Variants in PLA2R1 observed in about 807,000 individuals in gnomAD.
PLA2R1 encodes phospholipase A2 receptor 1.
PLA2R1 carries 158 observed loss-of-function variants against 195.9 expected under a neutral mutation model. The ratio of observed to expected loss-of-function variants is 0.81; its 90% confidence interval spans 0.71 to 0.92. The LOEUF is 0.92. Among genes scored for constraint, PLA2R1 ranks in the 40% least tolerant of loss-of-function variants. The pLI, the probability that PLA2R1 is intolerant of heterozygous loss-of-function variation, is 0.00. For synonymous variants in PLA2R1, 586 were observed against 598.2 expected, an observed-to-expected ratio of 0.98 and a Z score of 0.30; for missense variants, 1,626 against 1,764.6, an observed-to-expected ratio of 0.92 and a Z score of 1.41.
intron 11 of PLA2R1, among the ~76,000 whole-genome samples, chr2:159,988,328 G>A (rs549190179): frequency 2.7e-5 from 4 of 150,218 alleles, no homozygotes; most frequent in South Asian, 2.2e-4. Flanking sequence ...TTGTACATCC[G>A]CAATGTGCTC....
intron 7 of PLA2R1, among the ~76,000 whole-genome samples, chr2:160,020,464 T>C (rs1393166556): frequency 6.6e-6 from 1 of 152,172 alleles, no homozygotes; most frequent in African/African-American, 2.4e-5. Flanking sequence ...GTTTGTCCCC[T>C]CCAAAATTCA....
rs1687046633 is a variant in PLA2R1, at chr2:159,940,712, T to A, written c.*1066A>T. ...ACAGTATCATAATCATTATTTACCA[T>A]CTACACTAACTAGACTAATATAAAA... is the stretch of plus-strand genomic sequence containing the variant. On this transcript the variant is annotated 3_prime_UTR_variant, in exon 30 of 30. Transcript: ENST00000283243. 1 of 152,228 alleles carries A rather than the reference T, an allele frequency of 6.6e-6. No homozygotes were observed. Among genetic ancestry groups the A allele is most frequent in the South Asian group, 2.1e-4 (1 of 4,832 alleles). 9.4% of individuals were successfully genotyped at this position (152,228 alleles called of 1,614,324 possible).
Position 160,005,713 on chromosome 2 carries a change from C to T in PLA2R1, c.1773G>A (p.Trp591Ter). ...GCTCGGGTTTCTGCCCTACTGGCTT[C>T]CAAGTGTATTCTCCCGTATCATTTT... The part of the protein sequence containing the change: ...QDQNDTGEYT[W>*]KPVGQKPEPV... Residue 591 changes from tryptophan (W) to a stop codon, truncating the protein, a stop_gained, in exon 11 of 30, where the codon TGG (tryptophan) becomes TGA (stop). Transcript: ENST00000283243. LOFTEE classifies it high-confidence loss of function. The T allele has an allele frequency of 1.2e-6, 2 of 1,613,940 alleles. No homozygotes were observed. The highest frequency in any genetic ancestry group is 1.7e-6 in the Non-Finnish European group (2 of 1,179,888).
intron 4 of PLA2R1, among the ~76,000 whole-genome samples, chr2:160,030,277 C>T (rs1165183058): frequency 6.6e-6 from 1 of 152,374 alleles, no homozygotes; most frequent in Non-Finnish European, 1.5e-5. Flanking sequence ...ATACTATACA[C>T]GGGTTTCACC....
rs139858837 is a variant in PLA2R1, at chr2:160,053,751, G to A, written c.109+8544C>T. 1.5e-3 allele frequency among the ~76,000 whole-genome samples: 231 copies of A among 152,384 alleles called. 2 individuals are homozygous for A. The Middle Eastern group carries it at 0.054, about 36-fold the overall frequency. ...AGGCAGCATCAATTGTAGGGCAGGA[G>A]TTGGGAGGAGGCAGCTGAGAACCCG... On this transcript the variant is annotated intron_variant, in intron 1 of 29. Transcript: ENST00000283243.
intron 6 of PLA2R1, among the ~76,000 whole-genome samples, chr2:160,023,717 G>T (rs1406428859): frequency 6.6e-6 from 1 of 152,110 alleles, no homozygotes; most frequent in African/African-American, 2.4e-5. Flanking sequence ...CTTTCTTGGG[G>T]TTTGGATCAG....
intron 28 of PLA2R1, among the ~76,000 whole-genome samples, chr2:159,943,863 TG>T (rs1351918921): frequency 2.0e-5 from 3 of 152,070 alleles, no homozygotes; most frequent in Non-Finnish European, 4.4e-5. Context: ...TTTCAAACAT[TG>T]GTGCCCACAC....
chr2:159,931,221 T>C (rs934940566), downstream of PLA2R1, among the ~76,000 whole-genome samples: 1 of 152,204 alleles, frequency 6.6e-6, no homozygotes, highest in African/African-American at 2.4e-5. Context: ...GACATTGTAA[T>C]TATACAGTTT....
chr2:160,029,262 T>A (rs1693706926), intron 4 of PLA2R1, among the ~76,000 whole-genome samples: 2 of 152,214 alleles, frequency 1.3e-5, no homozygotes, highest in Non-Finnish European at 2.9e-5. Flanking sequence ...GCCATCTTAC[T>A]TGAGTGAGCT....
rs771071445 is a variant in PLA2R1 at position 159,967,692 on chromosome 2, T to C, written c.2765-14A>G. The C allele has an allele frequency of 6.2e-7, 1 of 1,611,098 alleles. No individual in the cohort carries two copies. The highest frequency in any genetic ancestry group is 1.1e-5 in the South Asian group (1 of 90,454). ...TACCCCAGAGTCCTGGAGGAGAAAA[T>C]GGGTTAGAAATGGCTTAGGAACAAT... is the stretch of plus-strand genomic sequence containing the variant. On this transcript the variant is annotated splice_polypyrimidine_tract_variant and intron_variant, in intron 19 of 29. Coordinates refer to ENST00000283243, the MANE Select transcript of PLA2R1 (RefSeq NM_007366.5).
At chr2:159,981,315 A>G (rs1689937023) in intron 13 of PLA2R1, among the ~76,000 whole-genome samples, 1 of 142,486 alleles carries the variant, frequency 7.0e-6, no homozygotes, top group East Asian at 2.0e-4. Flanking sequence ...TATACCTGCT[A>G]ACTATGAGAT....
In PLA2R1 at chr2:159,977,423, C is replaced by T. The variant is rs748347863; in HGVS notation, c.2269-7G>A. 1.2e-6 allele frequency: 2 copies of T among 1,612,454 alleles called. No homozygotes were observed. Among genetic ancestry groups the T allele is most frequent in the South Asian group, 2.2e-5 (2 of 90,944 alleles). On this transcript the variant is annotated splice_region_variant and splice_polypyrimidine_tract_variant and intron_variant, in intron 14 of 29. Transcript: ENST00000283243. ...CTAAAAACGAAGAGACAACCTGCAG[C>T]AGATGAAGTTCATTATTCCTTAATG...
chr2:160,050,385 C>T (rs1007603537), intron 1 of PLA2R1, among the ~76,000 whole-genome samples: 1 of 152,070 alleles, frequency 6.6e-6, no homozygotes, highest in Non-Finnish European at 1.5e-5. Context: ...AACCCTGAAC[C>T]GTGAACTTCA....
At chr2:159,929,388 A>C (rs184129951), downstream of PLA2R1, among the ~76,000 whole-genome samples, 3 of 152,242 alleles carry the variant, frequency 2.0e-5, no homozygotes, top group Non-Finnish European at 4.4e-5. Flanking sequence ...GCCAACAAAC[A>C]TATGAAAAAA....
At chr2:160,036,569 T>C (rs1344390344) in intron 3 of PLA2R1, among the ~76,000 whole-genome samples, 1 of 152,210 alleles carries the variant, frequency 6.6e-6, no homozygotes, top group East Asian at 1.9e-4. Context: ...TCTGTGTTAT[T>C]TGCATTTCTG....
intron 11 of PLA2R1, among the ~76,000 whole-genome samples, chr2:159,996,305 A>G (rs962101263): frequency 1.3e-5 from 2 of 152,080 alleles, no homozygotes; most frequent in African/African-American, 4.8e-5. Context: ...ATACTTTCAC[A>G]GAGTATAGAA....
chr2:159,963,850 T>C (rs931143505), intron 20 of PLA2R1, among the ~76,000 whole-genome samples: 1 of 152,154 alleles, frequency 6.6e-6, no homozygotes, highest in African/African-American at 2.4e-5. Context: ...TGAGTTACCA[T>C]ATGACCCAGC....
At chr2:159,993,849 G>A (rs911631384) in intron 11 of PLA2R1, among the ~76,000 whole-genome samples, 15 of 151,998 alleles carry the variant, frequency 9.9e-5, no homozygotes, top group Non-Finnish European at 1.8e-4. Context: ...CACCACTAAT[G>A]GGTCACAGAT....
intron 9 of PLA2R1, among the ~76,000 whole-genome samples, chr2:160,015,625 C>T (rs1035249396): frequency 2.6e-5 from 4 of 152,170 alleles, no homozygotes; most frequent in African/African-American, 9.7e-5. Flanking sequence ...CTCGCCCCTG[C>T]CCCGTCTTCA....
Sources: gnomAD v4.1 joint callset for allele counts (sites outside exome capture counted in the v4.1 genomes callset) on GRCh38, gnomAD v4.1.1 for gene constraint, MANE v1.5 for transcripts, NCBI Gene and HGNC (gene_info 2026-07-23, HGNC 2026-07-21) for gene names.